PLD5: variants seen among roughly 807,000 people sequenced by gnomAD.
PLD5 encodes the protein phospholipase D family member 5.
Under a neutral mutation model 61.1 loss-of-function variants are expected in PLD5, and 36 were observed. That is an observed-to-expected ratio of 0.59 (90% CI 0.45 to 0.78). The LOEUF (loss-of-function observed/expected upper bound fraction) is 0.78, where lower values mean the gene tolerates loss of function less well. Ranked by LOEUF, PLD5 falls within the 30% of genes least tolerant of loss-of-function variation. The pLI is 0.00. For missense variants in PLD5, 515 were observed against 644.4 expected, an observed-to-expected ratio of 0.80 and a Z score of 2.17; for synonymous variants, 243 against 242.8, an observed-to-expected ratio of 1.00 and a Z score of -0.01.
intron 4 of PLD5, among the ~76,000 whole-genome samples, chr1:242,246,974 CTTTTTTTTTT>C (rs74466537): frequency 1.1e-4 from 15 of 135,806 alleles, no homozygotes; most frequent in Non-Finnish European, 2.3e-4. Flanking sequence ...TTTAGGGATT[CTTTTTTTTTT>C]TTTTTTTTTT....
chr1:242,357,425 T>C (rs1427966759), intron 1 of PLD5, among the ~76,000 whole-genome samples: 3 of 151,520 alleles, frequency 2.0e-5, no homozygotes, highest in Admixed American at 6.6e-5. Context: ...TTGAACTTAG[T>C]TGATGACCTC....
At chr1:242,480,214 T>C (rs576120032) in intron 1 of PLD5, among the ~76,000 whole-genome samples, 3 of 152,342 alleles carry the variant, frequency 2.0e-5, no homozygotes, top group Admixed American at 2.0e-4. Flanking sequence ...AATACAACTA[T>C]GGCCAATTGA....
intron 4 of PLD5, among the ~76,000 whole-genome samples, chr1:242,230,294 A>G (rs1054384045): frequency 1.3e-5 from 2 of 152,234 alleles, no homozygotes; most frequent in Non-Finnish European, 2.9e-5. Context: ...ATGCATCCCT[A>G]ATAGCATTAT....
chr1:242,309,615 C>T (rs1054253743), intron 2 of PLD5, among the ~76,000 whole-genome samples: 2 of 151,466 alleles, frequency 1.3e-5, no homozygotes, highest in African/African-American at 4.8e-5. Context: ...CTCAGGTGAT[C>T]CGCCCACCTC....
chr1:242,102,569 G>A (rs1660765584), intron 8 of PLD5, among the ~76,000 whole-genome samples: 1 of 152,164 alleles, frequency 6.6e-6, no homozygotes, highest in Non-Finnish European at 1.5e-5. Context: ...GCCCACATCA[G>A]GGCTGGAGGT....
chr1:242,130,737 C>T (rs1448255179), intron 5 of PLD5, among the ~76,000 whole-genome samples: 2 of 152,200 alleles, frequency 1.3e-5, no homozygotes, highest in African/African-American at 4.8e-5. Context: ...TCCTGATGGG[C>T]TGCTCTGACT....
intron 5 of PLD5, among the ~76,000 whole-genome samples, chr1:242,165,185 G>GA (rs200082078): frequency 0.15 from 21,468 of 144,260 alleles, 1,777 homozygotes; most frequent in Non-Finnish European, 0.2. Context: ...TTTTACTTAA[G>GA]AAAAAAAAAA....
chr1:242,291,992 A>G (rs950260078), intron 2 of PLD5, among the ~76,000 whole-genome samples: 1 of 152,094 alleles, frequency 6.6e-6, no homozygotes, highest in Non-Finnish European at 1.5e-5. Context: ...ACCTTTAGAG[A>G]AGCAGGAAGA....
At chr1:242,091,832 C>CT (rs750237371) in intron 9 of PLD5, among the ~76,000 whole-genome samples, 4,820 of 123,314 alleles carry the variant, frequency 0.039, 209 homozygotes, top group East Asian at 0.12. Flanking sequence ...TTCTTTTTTT[C>CT]TTTTTTTTTT....
intron 2 of PLD5, among the ~76,000 whole-genome samples, chr1:242,335,054 GTTTTTA>G (rs1009967386): frequency 6.1e-4 from 93 of 151,856 alleles, no homozygotes; most frequent in African/African-American, 2.1e-3. Context: ...CCTCTCTACA[GTTTTTA>G]TTTTATTTCT....
At chr1:242,299,053 A>G (rs1210860435) in intron 2 of PLD5, among the ~76,000 whole-genome samples, 3 of 152,082 alleles carry the variant, frequency 2.0e-5, no homozygotes, top group Non-Finnish European at 4.4e-5. Flanking sequence ...TACAACTTAT[A>G]AGGCAGTTAC....
chr1:242,125,775 A>G (rs1226469940), intron 5 of PLD5, among the ~76,000 whole-genome samples: 2 of 152,126 alleles, frequency 1.3e-5, no homozygotes, highest in African/African-American at 4.8e-5. Flanking sequence ...AGGAGAGGTC[A>G]TCTACCATGT....
Position 242,165,451 on chromosome 1 carries a change from GGAAA to G in PLD5, c.736-40790_736-40787del, listed in dbSNP as rs1370143847. On this transcript the variant is annotated intron_variant, in intron 5 of 9. Transcript: ENST00000536534. Reference sequence around the variant, plus strand: ...AAATAGGTTGTGTGTGGCTTTAAAGGGAAAAAAAAAAAAAAACCTGCCAGCAACC... The same window carrying G: ...AAATAGGTTGTGTGTGGCTTTAAAGGAAAAAAAAAAAACCTGCCAGCAACC... Among the ~76,000 whole-genome samples the G allele has an allele frequency of 5.4e-4, 38 of 70,924 alleles. 1 individual carries two copies. The Middle Eastern group carries it at 0.019, about 35-fold the overall frequency. 46.5% of individuals were successfully genotyped at this position (70,924 alleles called of 152,430 possible).
rs576134429 is a variant in PLD5, at chr1:242,443,741, T to C, written c.189+80347A>G. ...TATAGGAGGGCATTTAAAGTTGCAG[T>C]CAAGGCTATCAACATGAACCACACC... is the stretch of plus-strand genomic sequence containing the variant. On this transcript the variant is annotated intron_variant, in intron 1 of 9. Transcript: ENST00000536534. Among the ~76,000 whole-genome samples, 11 of 152,314 alleles carry C rather than the reference T, an allele frequency of 7.2e-5. No homozygotes were observed. The East Asian group carries it at 1.3e-3, about 19-fold the overall frequency.
chr1:242,456,270 G>GA (rs1666941415), intron 1 of PLD5, among the ~76,000 whole-genome samples: 1 of 152,138 alleles, frequency 6.6e-6, no homozygotes. Context: ...GATAAGGCTT[G>GA]CTAGCCACTG....
rs112143716 is a variant in PLD5 at position 242,115,408 on chromosome 1, C to T, written c.934-1382G>A. On this transcript the variant is annotated intron_variant, in intron 6 of 9. Transcript: ENST00000536534. Reference sequence around the variant, plus strand: ...ACAAATCTTTCCCCACCCCCTCTTTCCCCAGCCTCTAGTATCTTCTGTTTT... The same window carrying T: ...ACAAATCTTTCCCCACCCCCTCTTTTCCCAGCCTCTAGTATCTTCTGTTTT... Among the ~76,000 whole-genome samples the T allele has an allele frequency of 2.6e-4, 40 of 152,180 alleles. No homozygotes were observed. In the South Asian group the frequency reaches 3.7e-3, roughly 14 times the overall value.
chr1:242,373,334 AC>A (rs1268913710), intron 1 of PLD5, among the ~76,000 whole-genome samples: 1 of 152,186 alleles, frequency 6.6e-6, no homozygotes, highest in Non-Finnish European at 1.5e-5. Context: ...AAACAGGAAC[AC>A]TTTTACACTG....
chr1:242,329,217 G>A (rs4658474), intron 2 of PLD5, among the ~76,000 whole-genome samples: 131,182 of 152,030 alleles, frequency 0.86, 57,082 homozygotes, highest in East Asian at 0.95. Context: ...ACCATGTTGC[G>A]CAGGCTGCTC....
At chr1:242,402,028 C>T (rs552908044) in intron 1 of PLD5, among the ~76,000 whole-genome samples, 35 of 152,332 alleles carry the variant, frequency 2.3e-4, no homozygotes, top group Non-Finnish European at 4.1e-4. Context: ...CCCCGGCTTC[C>T]GCCTGCACCA....
Sources: allele counts gnomAD v4.1 joint callset (sites outside exome capture counted in the v4.1 genomes callset), GRCh38; gene constraint gnomAD v4.1.1; transcripts MANE v1.5; gene names NCBI Gene and HGNC (gene_info 2026-07-23, HGNC 2026-07-21).